The following EML1 variants were observed in gnomAD, a reference collection of about 807,000 sequenced individuals.
EML1 encodes echinoderm microtubule-associated protein-like 1.
EML1 carries 27 observed loss-of-function variants against 110.4 expected under a neutral mutation model. That is an observed-to-expected ratio of 0.24 (90% CI 0.18 to 0.34). The LOEUF is 0.34. EML1 is among the 10% of genes least tolerant of loss of function. The pLI is 1.00. For synonymous variants in EML1, 344 were observed against 385.8 expected (o/e 0.89, Z 1.27); for missense variants, 741 against 1,030.9 (o/e 0.72, Z 3.85).
intron 17 of EML1, among the ~76,000 whole-genome samples, chr14:99,935,700 G>A (rs1021409262): frequency 3.4e-5 from 5 of 148,752 alleles, no homozygotes; most frequent in South Asian, 2.1e-4. Context: ...GGAGAATGGC[G>A]TGAACCCGGG....
chr14:99,917,927 G>A (rs945184558), intron 16 of EML1, 78 bp downstream of exon 16: 5 of 1,454,268 alleles, frequency 3.4e-6, no homozygotes, highest in African/African-American at 1.4e-5. Flanking sequence ...CCCAGGAACA[G>A]GCCCCCGTTC....
intron 1 of EML1, among the ~76,000 whole-genome samples, chr14:99,809,294 T>G (rs1294896254): frequency 6.6e-6 from 1 of 152,238 alleles, no homozygotes; most frequent in Non-Finnish European, 1.5e-5. Context: ...TTTGACCTTG[T>G]TCTTCAGGCC....
At chr14:99,857,543 G>A (rs999496813) in intron 2 of EML1, among the ~76,000 whole-genome samples, 2 of 152,036 alleles carry the variant, frequency 1.3e-5, no homozygotes, top group Non-Finnish European at 2.9e-5. Context: ...TGTATCACCC[G>A]GAAAGAAACT....
At chr14:99,744,757 C>T (rs1454885513) in intron 1 of EML1, among the ~76,000 whole-genome samples, 4 of 152,178 alleles carry the variant, frequency 2.6e-5, no homozygotes, top group South Asian at 2.1e-4. Context: ...CTGAATGATT[C>T]GGTCATCACC....
At chr14:99,917,751 A>C in intron 15 of EML1, 31 bp from the exon 16 acceptor site, 1 of 1,610,494 alleles carries the variant, frequency 6.2e-7, no homozygotes, top group Non-Finnish European at 8.5e-7. Context: ...CTATCTGTTC[A>C]TCAATTTACA....
At chr14:99,892,672 T>A (rs2059607751) in intron 5 of EML1, among the ~76,000 whole-genome samples, 1 of 152,210 alleles carries the variant, frequency 6.6e-6, no homozygotes, top group Non-Finnish European at 1.5e-5. Context: ...AGTGCTTTTT[T>A]TGCCTAGTTC....
chr14:99,846,463 A>G (rs946104474), intron 1 of EML1, among the ~76,000 whole-genome samples: 4 of 151,774 alleles, frequency 2.6e-5, no homozygotes, highest in African/African-American at 7.3e-5. Context: ...TTGTATTTTT[A>G]GTAGAGATGG....
intron 1 of EML1, among the ~76,000 whole-genome samples, chr14:99,751,720 C>A (rs546700070): frequency 6.6e-6 from 1 of 152,194 alleles, no homozygotes; most frequent in Non-Finnish European, 1.5e-5. Flanking sequence ...GGTGCAAAGG[C>A]CCTGAGTTGA....
chr14:99,834,295 T>A (rs1194862616), intron 1 of EML1, among the ~76,000 whole-genome samples: 1 of 134,160 alleles, frequency 7.5e-6, no homozygotes, highest in African/African-American at 2.8e-5. Context: ...TTCCTAAAAT[T>A]TTAAGAATGT....
upstream of EML1, among the ~76,000 whole-genome samples, chr14:99,789,149 G>T (rs2057631963): frequency 6.6e-6 from 1 of 152,012 alleles, no homozygotes; most frequent in African/African-American, 2.4e-5. Flanking sequence ...CCAAGTCCCT[G>T]CTTTCAACAA....
chr14:99,900,155 C>G (rs754656945), intron 8 of EML1, among the ~76,000 whole-genome samples: 1 of 149,994 alleles, frequency 6.7e-6, no homozygotes, highest in African/African-American at 2.5e-5. Flanking sequence ...ATAATTGATG[C>G]CTGTTTTGCC....
At chr14:99,847,904 ATC>A in intron 1 of EML1, among the ~76,000 whole-genome samples, 1 of 152,114 alleles carries the variant, frequency 6.6e-6, no homozygotes, top group South Asian at 2.1e-4. Flanking sequence ...TTTAAAGTGT[ATC>A]TCTTGTAGAC....
At position 99,939,618 on chromosome 14, in the gene EML1, G is replaced by A. The variant is rs958963224; in HGVS notation, c.2322+291G>A. On this transcript the variant is annotated intron_variant, in intron 21 of 21. Transcript: ENST00000262233. This position sits in a 1 kb window ranked among gnomAD's most constrained non-coding sequence, Gnocchi z 4.2. ...GCTCCGGCCCTGCTCAGCCGCGCCA[G>A]CCCTGAGCCCTGGGACGCCCTTCTT... Among the ~76,000 whole-genome samples, 1 of 152,124 alleles carries A rather than the reference G, an allele frequency of 6.6e-6. No homozygotes were observed. Among genetic ancestry groups the A allele is most frequent in the Non-Finnish European group, 1.5e-5 (1 of 68,014 alleles).
intron 7 of EML1, 90 bp downstream of exon 7, chr14:99,897,384 C>G: frequency 7.9e-7 from 1 of 1,268,738 alleles, no homozygotes; most frequent in Non-Finnish European, 1.1e-6. Flanking sequence ...TCCTGGGCAA[C>G]AGTGAAACCC....
At chr14:99,901,072 C>A (rs2059755393) in intron 9 of EML1, 33 bp downstream of exon 9, 1 of 1,565,994 alleles carries the variant, frequency 6.4e-7, no homozygotes, top group African/African-American at 1.4e-5. Flanking sequence ...TTGCTGTCTT[C>A]TTCCACAGGA....
intron 2 of EML1, among the ~76,000 whole-genome samples, chr14:99,864,216 A>T (rs2059053156): frequency 6.6e-6 from 1 of 152,234 alleles, no homozygotes; most frequent in East Asian, 1.9e-4. Context: ...GAATTTGAAG[A>T]GTTCCTTTTA....
chr14:99,928,696 T>C (rs894789221), intron 17 of EML1, among the ~76,000 whole-genome samples: 8 of 152,190 alleles, frequency 5.3e-5, no homozygotes, highest in Non-Finnish European at 1.0e-4. Context: ...TTTATAACCT[T>C]ATTGACAGCG....
At chr14:99,788,513 G>A (rs896963332), upstream of EML1, among the ~76,000 whole-genome samples, 1 of 152,182 alleles carries the variant, frequency 6.6e-6, no homozygotes, top group Non-Finnish European at 1.5e-5. Context: ...GGAGGCTGAG[G>A]AGGGAGGATC....
chr14:99,801,050 G>A lies in EML1; in HGVS notation c.67+7507G>A, dbSNP rs74943025. Among the ~76,000 whole-genome samples, 31 of 152,334 alleles carry A rather than the reference G, an allele frequency of 2.0e-4. 1 individual carries two copies. The highest frequency in any genetic ancestry group is 7.2e-4 in the African/African-American group (30 of 41,576). On this transcript the variant is annotated intron_variant, in intron 1 of 21. Coordinates refer to ENST00000262233, the MANE Select transcript of EML1 (RefSeq NM_004434.3). ...CGGCCAGATCCATGCATTTATCATG[G>A]TGTGGTCCAGGACTGGTGGTACCCT...
Sources: allele counts gnomAD v4.1 joint callset (sites outside exome capture counted in the v4.1 genomes callset), GRCh38; gene constraint gnomAD v4.1.1; non-coding constraint Gnocchi (gnomAD v3.1); transcripts MANE v1.5; gene names NCBI Gene and HGNC (gene_info 2026-07-23, HGNC 2026-07-21).